Variants in VLDLR observed in about 807,000 individuals in gnomAD.
VLDLR encodes very low density lipoprotein receptor.
VLDLR carries 81 observed loss-of-function variants against 112.7 expected under a neutral mutation model. The ratio of observed to expected loss-of-function variants is 0.72; its 90% confidence interval spans 0.60 to 0.86. The LOEUF (loss-of-function observed/expected upper bound fraction) is 0.86, where lower values mean the gene tolerates loss of function less well. Ranked by LOEUF, VLDLR falls within the 40% of genes least tolerant of loss-of-function variation. VLDLR has a pLI of 0.00. For synonymous variants in VLDLR, 436 were observed against 384.8 expected (o/e 1.13, Z -1.56); for missense variants, 1,237 against 1,099.4 (o/e 1.13, Z -1.77).
chr9:2,653,129 C>G (rs1356077890), intron 18 of VLDLR, among the ~76,000 whole-genome samples, 180 bp downstream of exon 18: 1 of 152,200 alleles, frequency 6.6e-6, no homozygotes, highest in South Asian at 2.1e-4. Context: ...TGATCAGCAT[C>G]TAACCCTCAC....
chr9:2,638,195 A>G (rs1045337568), intron 2 of VLDLR, among the ~76,000 whole-genome samples: 1 of 152,196 alleles, frequency 6.6e-6, no homozygotes, highest in Admixed American at 6.5e-5. Context: ...ATCTAAAGCT[A>G]GCATGGCCAG....
At chr9:2,627,692 A>G (rs1817156958) in intron 1 of VLDLR, among the ~76,000 whole-genome samples, 1 of 152,014 alleles carries the variant, frequency 6.6e-6, no homozygotes, top group Non-Finnish European at 1.5e-5. Flanking sequence ...GTGAAAGCCC[A>G]TCTCTACTAA....
chr9:2,642,283 T>C (rs563792192), intron 4 of VLDLR, among the ~76,000 whole-genome samples: 1 of 152,140 alleles, frequency 6.6e-6, no homozygotes, highest in Non-Finnish European at 1.5e-5. Context: ...CCTCCTGATA[T>C]GGTAGTAGTC....
chr9:2,633,379 A>G (rs34521765), intron 1 of VLDLR, among the ~76,000 whole-genome samples: 2,054 of 152,238 alleles, frequency 0.013, 48 homozygotes, highest in African/African-American at 0.044. Context: ...GGGATACTGT[A>G]TGCCCATACT....
chr9:2,651,493 C>T lies in VLDLR; in HGVS notation c.2330C>T (p.Pro777Leu). Residue 777 changes from proline (P) to leucine (L), a missense_variant, in exon 16 of 19, where the codon CCT (proline) becomes CTT (leucine). Transcript: ENST00000382100. ...TEISATSGLVPGGINVTTAVS... is the reference protein window; with the variant it reads ...TEISATSGLVLGGINVTTAVS... ...ATTTCAGCAACTAGTGGACTAGTTC[C>T]TGGAGGTATTGAGTTCAGTACTGCA... 1 of 1,613,626 alleles carries T rather than the reference C, an allele frequency of 6.2e-7. No individual in the cohort carries two copies.
chr9:2,628,137 C>T (rs1190129706), intron 1 of VLDLR, among the ~76,000 whole-genome samples: 1 of 152,146 alleles, frequency 6.6e-6, no homozygotes, highest in Admixed American at 6.5e-5. Flanking sequence ...GGCACCAGGT[C>T]CTGAGTTACA....
chr9:2,642,345 C>T (rs772316131), intron 4 of VLDLR, among the ~76,000 whole-genome samples: 4 of 152,126 alleles, frequency 2.6e-5, no homozygotes, highest in South Asian at 2.1e-4. Flanking sequence ...GTGTAGAAGT[C>T]GCCTCCTGAG....
chr9:2,622,990 C>T (rs748088286), intron 1 of VLDLR, among the ~76,000 whole-genome samples: 2 of 152,242 alleles, frequency 1.3e-5, no homozygotes, highest in East Asian at 3.9e-4. Flanking sequence ...CCGCTCGGGT[C>T]TCCCGTGTAG....
intron 7 of VLDLR, among the ~76,000 whole-genome samples, 189 bp downstream of exon 7, chr9:2,644,148 T>C (rs1817951737): frequency 6.8e-6 from 1 of 147,944 alleles, no homozygotes; most frequent in Admixed American, 6.8e-5. Flanking sequence ...GTTTTTGTTT[T>C]TGTTGTTTTT....
At chr9:2,643,573 G>C (rs369057794) in intron 5 of VLDLR, 42 bp downstream of exon 5, 2 of 1,614,052 alleles carry the variant, frequency 1.2e-6, no homozygotes, top group African/African-American at 2.7e-5. Flanking sequence ...TCTCTTCCCT[G>C]TATCAACTGG....
chr9:2,624,145 A>G (rs1396348119), intron 1 of VLDLR, among the ~76,000 whole-genome samples: 1 of 152,180 alleles, frequency 6.6e-6, no homozygotes, highest in African/African-American at 2.4e-5. Context: ...TTCACCTTGT[A>G]TTGGGCAGGT....
At chr9:2,645,209 A>C in intron 9 of VLDLR, 127 bp downstream of exon 9, 8 of 1,377,188 alleles carry the variant, frequency 5.8e-6, no homozygotes, top group Non-Finnish European at 8.2e-6. Context: ...TGCTAACCTC[A>C]TAATACAGCA....
intron 17 of VLDLR, among the ~76,000 whole-genome samples, chr9:2,652,178 C>T (rs551216665): frequency 3.9e-5 from 6 of 152,298 alleles, no homozygotes; most frequent in East Asian, 1.9e-4. Context: ...AAGTGTTCAA[C>T]GGTTAATGCT....
intron 17 of VLDLR, among the ~76,000 whole-genome samples, chr9:2,652,220 C>G (rs572966029): frequency 6.6e-6 from 1 of 152,134 alleles, no homozygotes; most frequent in African/African-American, 2.4e-5. Flanking sequence ...CTGGCTTATC[C>G]CCTTTTATAA....
chr9:2,627,647 G>A (rs181322751), intron 1 of VLDLR, among the ~76,000 whole-genome samples: 5 of 152,112 alleles, frequency 3.3e-5, no homozygotes, highest in African/African-American at 9.6e-5. Context: ...GGCAGATCAC[G>A]AGGTCAGGAG....
intron 2 of VLDLR, among the ~76,000 whole-genome samples, 173 bp downstream of exon 2, chr9:2,635,745 T>G (rs1817576105): frequency 6.6e-6 from 1 of 152,180 alleles, no homozygotes; most frequent in Non-Finnish European, 1.5e-5. Context: ...GTTATCAACT[T>G]GAGAATGGAA....
intron 1 of VLDLR, among the ~76,000 whole-genome samples, chr9:2,623,017 A>C (rs1164466154): frequency 1.3e-5 from 2 of 152,030 alleles, no homozygotes; most frequent in African/African-American, 4.8e-5. Context: ...GCGGAGGGGG[A>C]GTGGAGGGGA....
At chr9:2,651,531 C>A in intron 16 of VLDLR, 33 bp downstream of exon 16, 1 of 1,532,782 alleles carries the variant, frequency 6.5e-7, no homozygotes, top group South Asian at 1.1e-5. Flanking sequence ...CTGTTAATCT[C>A]AACTAACAGC....
At chr9:2,649,679 G>GTAA (rs1818233955) in intron 14 of VLDLR, among the ~76,000 whole-genome samples, 1 of 152,134 alleles carries the variant, frequency 6.6e-6, no homozygotes, top group African/African-American at 2.4e-5. Flanking sequence ...GGCGTGAGCT[G>GTAA]TAATAACAGT....
Sources: gnomAD v4.1 joint callset for allele counts (sites outside exome capture counted in the v4.1 genomes callset) on GRCh38, gnomAD v4.1.1 for gene constraint, MANE v1.5 for transcripts, NCBI Gene and HGNC (gene_info 2026-07-23, HGNC 2026-07-21) for gene names.